Variants in MDN1 observed in about 807,000 individuals in gnomAD.
MDN1 encodes the protein midasin.
MDN1 carries 266 observed loss-of-function variants against 669.2 expected under a neutral mutation model. The ratio of observed to expected loss-of-function variants is 0.40; its 90% CI spans 0.36 to 0.44. MDN1 has a LOEUF of 0.44. Among genes scored for constraint, MDN1 ranks in the 20% least tolerant of loss-of-function variants. The pLI, the probability that MDN1 is intolerant of heterozygous loss-of-function variation, is 1.00. For synonymous variants in MDN1, 2,385 were observed against 2,457.1 expected (o/e 0.97, Z 0.87); for missense variants, 5,940 against 6,754.0 (o/e 0.88, Z 4.22).
chr6:89,718,348 A>G lies in MDN1; in HGVS notation c.6583+18T>C, dbSNP rs1237742689. On this transcript the variant is annotated intron_variant, in intron 43 of 101. Transcript: ENST00000369393. ...AAGCAATGGTAAGTTCCTGATACAG[A>G]GATCCAAATATACATACCTGCCTTG... The G allele has an allele frequency of 6.2e-7, 1 of 1,608,304 alleles. No homozygotes were observed. The highest frequency in any genetic ancestry group is 8.5e-7 in the Non-Finnish European group (1 of 1,176,796).
At chr6:89,669,045 T>G (rs1444890050) in intron 83 of MDN1, among the ~76,000 whole-genome samples, 8 of 152,206 alleles carry the variant, frequency 5.3e-5, no homozygotes, top group Non-Finnish European at 1.5e-5. Flanking sequence ...TACGACCACA[T>G]AGGAGGGAGT....
chr6:89,714,575 G>A lies in MDN1; in HGVS notation c.7037C>T (p.Ala2346Val). ...AGTGCTCCGGGTCTCTGTGTGTAAAGCCAAGAGGATGTCACATACACTGTT... is the reference window on the plus strand; with the variant it reads ...AGTGCTCCGGGTCTCTGTGTGTAAAACCAAGAGGATGTCACATACACTGTT... Reference protein sequence around the residue: ...VGNSVCDILLALHTETRSTVV... With the variant: ...VGNSVCDILLVLHTETRSTVV... Residue 2346 changes from alanine to valine, a missense_variant, in exon 46 of 102, where the codon GCT (alanine) becomes GTT (valine). By Grantham distance (64) the Ala-to-Val change is moderately conservative. Around this residue, in one of 5 missense-constraint regions of MDN1, gnomAD observed 2,292 missense variants for 2,638.3 expected, o/e 0.87. Coordinates refer to ENST00000369393, the MANE Select transcript of MDN1 (RefSeq NM_014611.3). 6.2e-7 allele frequency: 1 copy of A among 1,613,280 alleles called. No homozygotes were observed. Among genetic ancestry groups the A allele is most frequent in the East Asian group, 2.2e-5 (1 of 44,878 alleles).
At chr6:89,651,395 G>A (rs1195028372) in intron 95 of MDN1, among the ~76,000 whole-genome samples, 3 of 151,512 alleles carry the variant, frequency 2.0e-5, no homozygotes, top group East Asian at 3.9e-4. Context: ...GCCAAGGCGG[G>A]TGGATCACCT....
At chr6:89,803,667 C>A in intron 1 of MDN1, 113 bp from the exon 2 acceptor site, 1 of 775,996 alleles carries the variant, frequency 1.3e-6, no homozygotes, top group Non-Finnish European at 2.1e-6. Context: ...CTGCAAGCTC[C>A]ACCTCCCGGG....
intron 9 of MDN1, among the ~76,000 whole-genome samples, chr6:89,783,323 G>T (rs1420291264): frequency 1.3e-5 from 2 of 152,096 alleles, no homozygotes; most frequent in Non-Finnish European, 2.9e-5. Flanking sequence ...CCTGTCTTAT[G>T]CGGTTAAGAT....
chr6:89,729,682 T>G (rs1267802169), intron 35 of MDN1, among the ~76,000 whole-genome samples: 1 of 147,580 alleles, frequency 6.8e-6, no homozygotes, highest in Non-Finnish European at 1.5e-5. Context: ...TTTTCGTTTT[T>G]TTTTTTTTTT....
chr6:89,661,182 A>G (rs965338400), intron 88 of MDN1, among the ~76,000 whole-genome samples: 7 of 151,984 alleles, frequency 4.6e-5, no homozygotes, highest in Admixed American at 1.3e-4. Context: ...CCACCAGGGC[A>G]TAGCAGTGCC....
rs141205595 is a variant in MDN1 at position 89,715,317 on chromosome 6, C to A, written c.6860+336G>T. 3.3e-5 allele frequency among the ~76,000 whole-genome samples: 5 copies of A among 152,246 alleles called. No homozygotes were observed. The East Asian group carries it at 9.7e-4, about 29-fold the overall frequency. On this transcript the variant is annotated intron_variant, in intron 45 of 101. Coordinates refer to ENST00000369393, the MANE Select transcript of MDN1 (RefSeq NM_014611.3). ...TCTTTTTCTCAACCCACATGTCCAT[C>A]AGCAAACCAACCCATCTGACCACCC...
chr6:89,747,566 T>G (rs899759805), intron 26 of MDN1, 96 bp from the exon 27 acceptor site: 26 of 1,291,624 alleles, frequency 2.0e-5, no homozygotes, highest in Non-Finnish European at 2.6e-5. Context: ...AAATTTATGC[T>G]CCCATTTAAA....
chr6:89,674,910 T>G (rs1811079852), intron 78 of MDN1, among the ~76,000 whole-genome samples: 2 of 152,306 alleles, frequency 1.3e-5, no homozygotes, highest in African/African-American at 4.8e-5. Flanking sequence ...CTAAAGTGAA[T>G]AGTCTGGAAA....
chr6:89,780,243 G>C lies in MDN1; in HGVS notation c.1694C>G (p.Ser565Cys), dbSNP rs148205950. The C allele has an allele frequency of 1.6e-4, 249 of 1,584,294 alleles. No individual in the cohort carries two copies. The highest frequency in any genetic ancestry group is 2.0e-4 in the Non-Finnish European group (236 of 1,167,518). ...AAAAATATTTAATGATGCTGATAAA[G>C]ATGAACTGTCAAAGCTATGGGCAAT... Reference protein sequence around the residue: ...NRIAHSFDSSSLSASLNIFQE... With the variant: ...NRIAHSFDSSCLSASLNIFQE... Residue 565 changes from serine (S) to cysteine (C), a missense_variant, in exon 11 of 102, where the codon TCT (serine) becomes TGT (cysteine). Physicochemically the swap from Ser to Cys is moderately radical, Grantham distance 112. Transcript: ENST00000369393.
chr6:89,763,349 A>AAAC (rs1817651626), intron 15 of MDN1, among the ~76,000 whole-genome samples: 2 of 139,290 alleles, frequency 1.4e-5, no homozygotes, highest in Non-Finnish European at 1.6e-5. Context: ...AAAAAAAAAA[A>AAAC]AAAAAAAATC....
intron 15 of MDN1, among the ~76,000 whole-genome samples, chr6:89,767,416 C>T (rs1319339604): frequency 6.6e-6 from 1 of 152,042 alleles, no homozygotes; most frequent in Admixed American, 6.6e-5. Flanking sequence ...GTTTCTAAGG[C>T]CCTTATTTTT....
At chr6:89,734,981 C>T (rs13220717) in intron 33 of MDN1, among the ~76,000 whole-genome samples, 1 of 151,654 alleles carries the variant, frequency 6.6e-6, no homozygotes, top group Non-Finnish European at 1.5e-5. Context: ...ACCTCCACCT[C>T]TCGGGTTCAA....
At chr6:89,774,172 T>C (rs1314103605) in intron 13 of MDN1, among the ~76,000 whole-genome samples, 2 of 152,164 alleles carry the variant, frequency 1.3e-5, no homozygotes, top group Non-Finnish European at 2.9e-5. Flanking sequence ...CCTAGGATAC[T>C]AATATATTAA....
At chr6:89,791,122 G>A (rs1819248497) in intron 5 of MDN1, among the ~76,000 whole-genome samples, 1 of 152,164 alleles carries the variant, frequency 6.6e-6, no homozygotes, top group Non-Finnish European at 1.5e-5. Context: ...TATTCCATGG[G>A]AAGTAGGGAA....
At chr6:89,708,346 C>T (rs1813656128) in intron 51 of MDN1, 150 bp downstream of exon 51, 4 of 947,078 alleles carry the variant, frequency 4.2e-6, no homozygotes, top group Non-Finnish European at 6.3e-6. Flanking sequence ...ATATGATTAT[C>T]GTATGATAAA....
intron 101 of MDN1, 30 bp from the exon 102 acceptor site, chr6:89,644,223 A>C: frequency 6.4e-7 from 1 of 1,570,116 alleles, no homozygotes; most frequent in African/African-American, 1.4e-5. Context: ...TGAAATGGGG[A>C]GGCAGCGATT....
At chr6:89,661,128 A>T (rs1157021363) in intron 88 of MDN1, among the ~76,000 whole-genome samples, 1 of 152,236 alleles carries the variant, frequency 6.6e-6, no homozygotes, top group Non-Finnish European at 1.5e-5. Flanking sequence ...ATGAGATGGG[A>T]TACACAGTAA....
Sources: gnomAD v4.1 joint callset for allele counts (sites outside exome capture counted in the v4.1 genomes callset) on GRCh38, gnomAD v4.1.1 for gene constraint, gnomAD v4.1.1 regional missense constraint, MANE v1.5 for transcripts, NCBI Gene and HGNC (gene_info 2026-07-23, HGNC 2026-07-21) for gene names.